ZNF160: variants seen among roughly 807,000 people sequenced by gnomAD.
ZNF160 encodes zinc finger protein 160.
A neutral mutation model predicts 13.1 loss-of-function variants in ZNF160; 9 were observed. The ratio of observed to expected loss-of-function variants is 0.69; its 90% CI spans 0.41 to 1.20. ZNF160 has a LOEUF of 1.20. Among genes scored for constraint, ZNF160 ranks in the 50% most tolerant of loss-of-function variants. The pLI is 0.01. For missense variants in ZNF160, 838 were observed against 988.0 expected, an observed-to-expected ratio of 0.85 and a Z score of 2.04; for synonymous variants, 293 against 333.2, an observed-to-expected ratio of 0.88 and a Z score of 1.31.
At chr19:53,088,603 T>C (rs2084928972) in intron 2 of ZNF160, among the ~76,000 whole-genome samples, 1 of 152,160 alleles carries the variant, frequency 6.6e-6, no homozygotes, top group African/African-American at 2.4e-5. Context: ...AGGTACTTAT[T>C]ACAGAGGGAA....
In ZNF160 at chr19:53,076,481, A is replaced by G. The variant is rs112458324; in HGVS notation, c.16-1298T>C. 7.6e-3 allele frequency among the ~76,000 whole-genome samples: 1,159 copies of G among 152,288 alleles called. 15 individuals are homozygous for G. The highest frequency in any genetic ancestry group is 0.027 in the African/African-American group (1,109 of 41,558). ...ATGGTGAAACCTGTCTCTACTAAAA[A>G]TACAAAAATTAGCCAGGCGTGGTGG... On this transcript the variant is annotated intron_variant, in intron 3 of 5. Coordinates refer to ENST00000683776, the MANE Select transcript of ZNF160 (RefSeq NM_001322131.2).
Position 53,085,121 on chromosome 19 carries a change from G to A in ZNF160, c.15+1141C>T, listed in dbSNP as rs1429456274. 3.1e-6 allele frequency: 3 copies of A among 971,078 alleles called. No individual in the cohort carries two copies. In the East Asian group the frequency reaches 3.4e-4, roughly 111 times the overall value. The allele number at this position is 971,078 out of a possible 1,614,324, so 60.2% of individuals were successfully genotyped here. On this transcript the variant is annotated intron_variant, in intron 3 of 5. Coordinates refer to ENST00000683776, the MANE Select transcript of ZNF160 (RefSeq NM_001322131.2). ...GGTGTGAGCCACCATGCAGCACCCT[G>A]TGTGGCATTCTTTATAGAAGTGAGA...
intron 1 of ZNF160, among the ~76,000 whole-genome samples, chr19:53,094,872 A>T (rs137973344): frequency 6.6e-6 from 1 of 152,120 alleles, no homozygotes; most frequent in African/African-American, 2.4e-5. Flanking sequence ...GCAGAAAATG[A>T]CCTGGGGCCA....
intron 3 of ZNF160, among the ~76,000 whole-genome samples, chr19:53,081,394 A>G (rs532591156): frequency 1.3e-3 from 193 of 152,302 alleles, no homozygotes; most frequent in Middle Eastern, 0.01. Flanking sequence ...AGAATCTATA[A>G]GAAACATAAG....
intron 5 of ZNF160, among the ~76,000 whole-genome samples, chr19:53,073,703 A>G (rs1343605511): frequency 6.6e-6 from 1 of 152,174 alleles, no homozygotes; most frequent in Non-Finnish European, 1.5e-5. Flanking sequence ...GGTGTTGTCC[A>G]TCATGATAAA....
intron 5 of ZNF160, chr19:53,072,937 C>T: frequency 1.3e-6 from 1 of 776,978 alleles, no homozygotes; most frequent in Non-Finnish European, 1.6e-6. Flanking sequence ...ACAATAAGAA[C>T]TGGAATATGA....
At chr19:53,071,632 C>T (rs568115992) in intron 5 of ZNF160, among the ~76,000 whole-genome samples, 3 of 149,830 alleles carry the variant, frequency 2.0e-5, no homozygotes, top group Admixed American at 1.3e-4. Flanking sequence ...CACTGCACTA[C>T]AGCCTTAGAG....
intron 2 of ZNF160, among the ~76,000 whole-genome samples, chr19:53,086,884 C>T (rs1427654825): frequency 6.6e-6 from 1 of 152,228 alleles, no homozygotes; most frequent in East Asian, 1.9e-4. Context: ...GAGCCCAGCA[C>T]AGCCCCACCT....
At chr19:53,078,792 C>T (rs1271785679) in intron 3 of ZNF160, among the ~76,000 whole-genome samples, 1 of 107,926 alleles carries the variant, frequency 9.3e-6, no homozygotes, top group Non-Finnish European at 1.9e-5. Flanking sequence ...GCAACTGGAG[C>T]AGCAATCAAA....
intron 4 of ZNF160, among the ~76,000 whole-genome samples, chr19:53,074,511 T>TA (rs1274640128): frequency 2.0e-5 from 3 of 150,096 alleles, no homozygotes; most frequent in Admixed American, 6.7e-5. Flanking sequence ...ACTAAAAACA[T>TA]AAAAAAAAAT....
intron 2 of ZNF160, among the ~76,000 whole-genome samples, chr19:53,090,803 A>C (rs539851674): frequency 3.9e-5 from 6 of 152,326 alleles, no homozygotes; most frequent in Non-Finnish European, 8.8e-5. Flanking sequence ...AGACGCAATG[A>C]AGGGCGAGGC....
At position 53,068,602 on chromosome 19, in the gene ZNF160, A is replaced by T; in HGVS notation, c.1932T>A (p.Thr644=). The T allele has an allele frequency of 6.2e-7, 1 of 1,614,170 alleles. No individual in the cohort carries two copies. Among genetic ancestry groups the T allele is most frequent in the South Asian group, 1.1e-5 (1 of 91,084 alleles). ...SYLATHRRIH[T]GEKPYKCNEC... is the part of the protein sequence containing the mutation. ...CATTACACTTGTAAGGTTTCTCTCCAGTATGAATTCGCCGATGAGTTGCAA... is the reference window on the plus strand; with the variant it reads ...CATTACACTTGTAAGGTTTCTCTCCTGTATGAATTCGCCGATGAGTTGCAA... The change falls in exon 6 of 6, where the codon ACT becomes ACA. Residue 644 remains threonine (T), a synonymous_variant. Coordinates refer to ENST00000683776, the MANE Select transcript of ZNF160 (RefSeq NM_001322131.2).
chr19:53,100,192 AT>A (rs1009851168), intron 1 of ZNF160, among the ~76,000 whole-genome samples: 1 of 152,216 alleles, frequency 6.6e-6, no homozygotes, highest in African/African-American at 2.4e-5. Context: ...TTTTGAGTCA[AT>A]CCAGCCCATC....
At chr19:53,092,305 G>C (rs1268345175) in intron 1 of ZNF160, among the ~76,000 whole-genome samples, 1 of 152,000 alleles carries the variant, frequency 6.6e-6, no homozygotes, top group African/African-American at 2.4e-5. Flanking sequence ...AAGCGTATTT[G>C]ATAGGGTATT....
chr19:53,078,691 A>G (rs959323090), intron 3 of ZNF160, among the ~76,000 whole-genome samples: 3 of 152,118 alleles, frequency 2.0e-5, no homozygotes, highest in South Asian at 2.1e-4. Flanking sequence ...GTCAACTCCA[A>G]TGTCAAAGTA....
intron 3 of ZNF160, chr19:53,075,646 T>C: frequency 2.1e-6 from 1 of 481,110 alleles, no homozygotes; most frequent in Non-Finnish European, 4.2e-6. Flanking sequence ...AGAGAATACA[T>C]CCCAGCTCCT....
Position 53,068,461 on chromosome 19 carries a change from G to A in ZNF160, c.2073C>T (p.His691=), listed in dbSNP as rs1443056582. ...QCGKVFTQNS[H]LANHQRTHTG... is the part of the protein sequence containing the mutation. ...TGTGAGTCCTTTGATGATTTGCAAGGTGTGAGTTCTGAGTGAAGACCTTGC... is the reference window on the plus strand; with the variant it reads ...TGTGAGTCCTTTGATGATTTGCAAGATGTGAGTTCTGAGTGAAGACCTTGC... Residue 691 remains histidine (H), a synonymous_variant, in exon 6 of 6, where the codon CAC becomes CAT. Transcript: ENST00000683776. 22 of 1,613,440 alleles carry A rather than the reference G, an allele frequency of 1.4e-5. No individual in the cohort carries two copies. The highest frequency in any genetic ancestry group is 1.9e-5 in the Non-Finnish European group (22 of 1,179,712).
At chr19:53,079,514 C>A (rs329707) in intron 3 of ZNF160, among the ~76,000 whole-genome samples, 1 of 145,108 alleles carries the variant, frequency 6.9e-6, no homozygotes, top group Admixed American at 7.0e-5. Flanking sequence ...CACTGCACTG[C>A]GCTCCAGCCT....
At position 53,069,537 on chromosome 19, in the gene ZNF160, G is replaced by A. The variant is rs756528237; in HGVS notation, c.997C>T (p.Arg333Ter). 1.9e-6 allele frequency: 3 copies of A among 1,613,864 alleles called. No homozygotes were observed. Among genetic ancestry groups the A allele is most frequent in the Admixed American group, 1.7e-5 (1 of 59,996 alleles). ...TAAGGTTTCTCTCCAGTATGAATTC[G>A]CCGATGAGTTGCAAGGTATGAATTG... ...RHNSYLATHRRIHTGEKPYKC... is the reference protein window; with the variant it reads ...RHNSYLATHR Residue 333 changes from arginine (R) to a stop codon, truncating the protein, a stop_gained, in exon 6 of 6, where the codon CGA (arginine) becomes TGA (stop). Coordinates refer to ENST00000683776, the MANE Select transcript of ZNF160 (RefSeq NM_001322131.2). LOFTEE classifies it low-confidence loss of function (END_TRUNC). This position sits in a 1 kb window ranked among gnomAD's most constrained non-coding sequence, Gnocchi z 4.4.
Sources: allele counts gnomAD v4.1 joint callset (sites outside exome capture counted in the v4.1 genomes callset), GRCh38; gene constraint gnomAD v4.1.1; non-coding constraint Gnocchi (gnomAD v3.1); transcripts MANE v1.5; gene names NCBI Gene and HGNC (gene_info 2026-07-23, HGNC 2026-07-21).